The following IDE variants were observed in gnomAD, a reference collection of about 807,000 sequenced individuals.
The protein encoded by IDE is insulin degrading enzyme, also known as insulin-degrading enzyme.
In IDE, 58 loss-of-function variants were observed where a neutral mutation model predicts 133.2. The ratio of observed to expected loss-of-function variants is 0.44; its 90% CI spans 0.35 to 0.54. IDE has a LOEUF of 0.54. Ranked by LOEUF, IDE falls within the 20% of genes least tolerant of loss-of-function variation. The pLI is 0.00. For missense variants in IDE, 981 were observed against 1,234.0 expected (o/e 0.79, Z 3.07); for synonymous variants, 396 against 421.3 (o/e 0.94, Z 0.73).
intron 4 of IDE, among the ~76,000 whole-genome samples, chr10:92,522,977 C>CA (rs1027669654): frequency 2.6e-5 from 4 of 152,168 alleles, no homozygotes; most frequent in African/African-American, 9.7e-5. Context: ...ACTAAACTTT[C>CA]AGCACCTTGA....
At chr10:92,509,445 T>A (rs748393905) in intron 6 of IDE, among the ~76,000 whole-genome samples, 1 of 151,624 alleles carries the variant, frequency 6.6e-6, no homozygotes, top group Non-Finnish European at 1.5e-5. Flanking sequence ...ATACAAAAAT[T>A]AGCCAGGCAC....
chr10:92,530,087 A>T (rs1849833273), intron 4 of IDE, among the ~76,000 whole-genome samples: 1 of 152,002 alleles, frequency 6.6e-6, no homozygotes, highest in Non-Finnish European at 1.5e-5. Context: ...TTAGCCGGGC[A>T]TGGTGGCGGG....
At chr10:92,517,508 A>C (rs1848993711) in intron 4 of IDE, among the ~76,000 whole-genome samples, 1 of 152,240 alleles carries the variant, frequency 6.6e-6, no homozygotes, top group Admixed American at 6.5e-5. Flanking sequence ...CCTGGGCTCA[A>C]GCAGTCCTTC....
At chr10:92,467,144 G>A (rs1845736800) in intron 19 of IDE, among the ~76,000 whole-genome samples, 1 of 151,802 alleles carries the variant, frequency 6.6e-6, no homozygotes, top group African/African-American at 2.4e-5. Context: ...GCACAATCAT[G>A]GCTCATTGCA....
At position 92,459,824 on chromosome 10, in the gene IDE, C is replaced by CTTT. The variant is rs901315055; in HGVS notation, c.2823+1364_2823+1366dup. On this transcript the variant is annotated intron_variant, in intron 22 of 24. Coordinates refer to ENST00000265986, the MANE Select transcript of IDE (RefSeq NM_004969.4). ...GGGAAGATTTAGATGGTGTGAACCTCTTTTTTTTTTTTTTTTTTTTTTTGA... is the reference window on the plus strand; with the variant it reads ...GGGAAGATTTAGATGGTGTGAACCTCTTTTTTTTTTTTTTTTTTTTTTTTTTGA... Among the ~76,000 whole-genome samples, 671 of 92,728 alleles carry CTTT rather than the reference C, an allele frequency of 7.2e-3. 4 individuals carry two copies. Among genetic ancestry groups the CTTT allele is most frequent in the African/African-American group, 9.5e-3 (217 of 22,734 alleles). 60.8% of individuals were successfully genotyped at this position (92,728 alleles called of 152,430 possible).
At chr10:92,459,646 G>A (rs1845251074) in intron 22 of IDE, among the ~76,000 whole-genome samples, 1 of 152,056 alleles carries the variant, frequency 6.6e-6, no homozygotes, top group Non-Finnish European at 1.5e-5. Flanking sequence ...ACACAAACTA[G>A]AGGCCCCAAT....
intron 15 of IDE, among the ~76,000 whole-genome samples, chr10:92,476,336 G>A (rs780368336): frequency 2.0e-5 from 3 of 151,964 alleles, no homozygotes; most frequent in Non-Finnish European, 2.9e-5. Flanking sequence ...ACTACGCCTG[G>A]TTAATATTTT....
At chr10:92,465,650 C>A (rs766627099) in intron 20 of IDE, 26 bp downstream of exon 20, 2 of 1,596,210 alleles carry the variant, frequency 1.3e-6, no homozygotes, top group Non-Finnish European at 1.7e-6. Flanking sequence ...CTACAGTACC[C>A]TGCTATTTCC....
intron 15 of IDE, chr10:92,478,666 T>C: frequency 7.9e-7 from 1 of 1,259,204 alleles, no homozygotes; most frequent in Non-Finnish European, 1.0e-6. Context: ...TCATTCCTGA[T>C]GCAATGCCAT....
intron 1 of IDE, among the ~76,000 whole-genome samples, chr10:92,560,711 A>G (rs1843238489): frequency 6.6e-6 from 1 of 151,818 alleles, no homozygotes; most frequent in African/African-American, 2.4e-5. Flanking sequence ...TGAACCCAGG[A>G]GGCGGAGGTT....
rs547873284 is a variant in IDE at position 92,497,465 on chromosome 10, T to A, written c.1431-6870A>T. Among the ~76,000 whole-genome samples, 38 of 152,312 alleles carry A rather than the reference T, an allele frequency of 2.5e-4. No homozygotes were observed. The South Asian group carries it at 4.1e-3, about 17-fold the overall frequency. Reference sequence around the variant, plus strand: ...CAGTACCATACTACACCATTTAATATAAGGGACTTGAGCACCTTGGATTTT... The same window carrying A: ...CAGTACCATACTACACCATTTAATAAAAGGGACTTGAGCACCTTGGATTTT... On this transcript the variant is annotated intron_variant, in intron 11 of 24. Coordinates refer to ENST00000265986, the MANE Select transcript of IDE (RefSeq NM_004969.4).
At chr10:92,484,208 C>T (rs577826355) in intron 13 of IDE, among the ~76,000 whole-genome samples, 19 of 151,890 alleles carry the variant, frequency 1.3e-4, no homozygotes, top group South Asian at 6.2e-4. Context: ...GCCGGGAGTT[C>T]GAGACCATCC....
intron 15 of IDE, 27 bp downstream of exon 15, chr10:92,479,250 G>T: frequency 6.5e-7 from 1 of 1,529,996 alleles, no homozygotes; most frequent in Non-Finnish European, 8.9e-7. Flanking sequence ...GTTGATGAGT[G>T]GAAGGCTCTA....
chr10:92,551,392 A>AC (rs1328561732), intron 1 of IDE, among the ~76,000 whole-genome samples: 3 of 151,908 alleles, frequency 2.0e-5, no homozygotes, highest in African/African-American at 4.8e-5. Flanking sequence ...ACACGGTGAA[A>AC]CCCCATCTCT....
intron 20 of IDE, among the ~76,000 whole-genome samples, chr10:92,465,345 C>T (rs1447965288): frequency 6.6e-6 from 1 of 152,202 alleles, no homozygotes; most frequent in East Asian, 1.9e-4. Context: ...GGAACTCAGG[C>T]TTTAGTGAAT....
At chr10:92,457,033 A>G (rs1845068511) in intron 22 of IDE, among the ~76,000 whole-genome samples, 1 of 151,696 alleles carries the variant, frequency 6.6e-6, no homozygotes, top group Non-Finnish European at 1.5e-5. Flanking sequence ...AATTTTACAG[A>G]TGAGAAAACT....
At chr10:92,528,196 G>A (rs955022806) in intron 4 of IDE, among the ~76,000 whole-genome samples, 2 of 152,128 alleles carry the variant, frequency 1.3e-5, no homozygotes, top group Non-Finnish European at 2.9e-5. Flanking sequence ...TGTAAGTATA[G>A]CCAAACAAAA....
intron 9 of IDE, among the ~76,000 whole-genome samples, chr10:92,506,986 A>G (rs559872461): frequency 6.6e-6 from 1 of 152,308 alleles, no homozygotes; most frequent in African/African-American, 2.4e-5. Flanking sequence ...TCTAGTTAAA[A>G]AGGATGTTTC....
intron 4 of IDE, among the ~76,000 whole-genome samples, chr10:92,528,985 G>A (rs990113623): frequency 1.3e-5 from 2 of 152,054 alleles, no homozygotes; most frequent in East Asian, 1.9e-4. Flanking sequence ...GCTGAGGCAG[G>A]AGAATCGCTT....
Sources: gnomAD v4.1 joint callset for allele counts (sites outside exome capture counted in the v4.1 genomes callset) on GRCh38, gnomAD v4.1.1 for gene constraint, MANE v1.5 for transcripts, NCBI Gene and HGNC (gene_info 2026-07-23, HGNC 2026-07-21) for gene names.